ESRRA: variants seen among roughly 807,000 people sequenced by gnomAD.
ESRRA encodes estrogen related receptor alpha.
In ESRRA, 7 loss-of-function variants were observed where a neutral mutation model predicts 35.6. That is an observed-to-expected ratio of 0.20 (90% CI 0.11 to 0.37). The LOEUF (loss-of-function observed/expected upper bound fraction) is 0.37, where lower values mean the gene tolerates loss of function less well. Among genes scored for constraint, ESRRA ranks in the 10% least tolerant of loss-of-function variants. The pLI is 1.00. For synonymous variants in ESRRA, 223 were observed against 246.9 expected, an observed-to-expected ratio of 0.90 and a Z score of 0.91; for missense variants, 378 against 561.7, an observed-to-expected ratio of 0.67 and a Z score of 3.31.
In ESRRA at chr11:64,316,736, C is replaced by G; in HGVS notation, c.*770C>G. 1 of 685,022 alleles carries G rather than the reference C, an allele frequency of 1.5e-6. No individual in the cohort carries two copies. Among genetic ancestry groups the G allele is most frequent in the Non-Finnish European group, 2.6e-6 (1 of 382,768 alleles). The allele number at this position is 685,022 out of a possible 1,614,324, so 42.4% of individuals were successfully genotyped here. On this transcript the variant is annotated 3_prime_UTR_variant, in exon 7 of 7. Coordinates refer to ENST00000000442, the MANE Select transcript of ESRRA (RefSeq NM_004451.5). ...TGAGAAAAAAATATATAATACCGAG[C>G]TCAAAAACACTGTGTTTGGTGTCAT...
At chr11:64,311,824 C>T (rs969824117) in intron 2 of ESRRA, among the ~76,000 whole-genome samples, 27 of 151,734 alleles carry the variant, frequency 1.8e-4, no homozygotes, top group Non-Finnish European at 3.4e-4. Context: ...TCCCGAGTAG[C>T]TGGGACTACA....
rs1591248674 is a variant in ESRRA, at chr11:64,316,652, ACT to A, written c.*689_*690del. 5.3e-6 allele frequency: 3 copies of A among 570,964 alleles called. No homozygotes were observed. The highest frequency in any genetic ancestry group is 9.5e-6 in the Non-Finnish European group (3 of 314,252). The allele number at this position is 570,964 out of a possible 1,614,324, so 35.4% of individuals were successfully genotyped here. ...GCCCAGAGCCCTTGGCTGTACAGAG[ACT>A]CTATTTTAATGTATATTTGCTGCAA... On this transcript the variant is annotated 3_prime_UTR_variant, in exon 7 of 7. Coordinates refer to ENST00000000442, the MANE Select transcript of ESRRA (RefSeq NM_004451.5).
Position 64,316,039 on chromosome 11 carries a change from G to A in ESRRA, c.*73G>A. On this transcript the variant is annotated 3_prime_UTR_variant, in exon 7 of 7. Transcript: ENST00000000442. ...GGGGTCAGCCCCAAGGGCTGGGGCG[G>A]AGCTGGGGTCTGGGCAGTGCCACAG... The A allele has an allele frequency of 2.0e-6, 3 of 1,498,270 alleles. No homozygotes were observed. The South Asian group carries it at 4.0e-5, about 20-fold the overall frequency. The allele number at this position is 1,498,270 out of a possible 1,614,324, so 92.8% of individuals were successfully genotyped here.
intron 2 of ESRRA, among the ~76,000 whole-genome samples, chr11:64,312,497 G>A (rs1260131262): frequency 1.3e-5 from 2 of 152,186 alleles, no homozygotes; most frequent in African/African-American, 4.8e-5. Flanking sequence ...AATGCACCGC[G>A]AGGAGAAATG....
In ESRRA at chr11:64,313,902, C is replaced by T. The variant is rs2035187441; in HGVS notation, c.326-49C>T. 7.3e-7 allele frequency: 1 copy of T among 1,372,476 alleles called. No homozygotes were observed. Among genetic ancestry groups the T allele is most frequent in the African/African-American group, 1.4e-5 (1 of 69,710 alleles). The allele number at this position is 1,372,476 out of a possible 1,614,324, so 85.0% of individuals were successfully genotyped here. ...CAGGGCTCTCCTGTCAGCTGGGTCC[C>T]CTCCCAGCCCCGGGAGGCCGCCACT... On this transcript the variant is annotated intron_variant, in intron 2 of 6. Transcript: ENST00000000442. The surrounding 1 kb of genome is among the most constrained non-coding windows in gnomAD (Gnocchi z 4.0).
Position 64,314,229 on chromosome 11 carries a change from A to C in ESRRA, c.443-10A>C, listed in dbSNP as rs1258301750. The C allele has an allele frequency of 6.2e-7, 1 of 1,606,170 alleles. No homozygotes were observed. Among genetic ancestry groups the C allele is most frequent in the Non-Finnish European group, 8.5e-7 (1 of 1,176,982 alleles). On this transcript the variant is annotated splice_polypyrimidine_tract_variant and intron_variant, in intron 3 of 6. Coordinates refer to ENST00000000442, the MANE Select transcript of ESRRA (RefSeq NM_004451.5). ...CCACAGTCACAGTCCTATCTGTCCC[A>C]CAATTCAAGGAGTGCGCCTGGACCG...
intron 4 of ESRRA, among the ~76,000 whole-genome samples, 177 bp downstream of exon 4, chr11:64,314,544 C>G (rs927604467): frequency 2.0e-5 from 3 of 152,168 alleles, no homozygotes; most frequent in African/African-American, 4.8e-5. Flanking sequence ...GGAACAGGGA[C>G]GATTTTCCAA....
At chr11:64,315,610 G>A (rs1388483756) in intron 6 of ESRRA, 97 bp from the exon 7 acceptor site, 2 of 1,488,742 alleles carry the variant, frequency 1.3e-6, no homozygotes, top group African/African-American at 1.4e-5. Flanking sequence ...ATCCTCGTTT[G>A]GCTCTTCCTT....
At chr11:64,311,417 T>TC (rs1491230433) in intron 2 of ESRRA, among the ~76,000 whole-genome samples, 1 of 3,644 alleles carries the variant, frequency 2.7e-4, no homozygotes, top group Non-Finnish European at 5.7e-4. Flanking sequence ...AGGGCTTGTC[T>TC]TTTTTTTTTT....
intron 2 of ESRRA, among the ~76,000 whole-genome samples, chr11:64,309,887 G>A (rs1264571027): frequency 2.7e-5 from 4 of 149,236 alleles, no homozygotes; most frequent in Non-Finnish European, 5.9e-5. Context: ...AGCCAAGATC[G>A]TGCCACTGCA....
At chr11:64,312,933 GGCGTAGGC>G (rs1187199052) in intron 2 of ESRRA, among the ~76,000 whole-genome samples, 1 of 152,180 alleles carries the variant, frequency 6.6e-6, no homozygotes. Flanking sequence ...AAGAAGCAGG[GGCGTAGGC>G]CTAGGAGGAC....
Position 64,314,082 on chromosome 11 carries a change from GGGGCTGGGCGA to G in ESRRA, c.442+24_442+34del. 1 of 1,576,832 alleles carries G rather than the reference GGGGCTGGGCGA, an allele frequency of 6.3e-7. No individual in the cohort carries two copies. On this transcript the variant is annotated intron_variant, in intron 3 of 6. Coordinates refer to ENST00000000442, the MANE Select transcript of ESRRA (RefSeq NM_004451.5). ...GCTCAAGGAGGGTGAGCGCTGGGCA[GGGGCTGGGCGA>G]GGGCTGGGGGAGTCGGGGACCCGGG...
At chr11:64,311,374 C>T (rs1401220357) in intron 2 of ESRRA, among the ~76,000 whole-genome samples, 1 of 149,582 alleles carries the variant, frequency 6.7e-6, no homozygotes, top group African/African-American at 2.5e-5. Flanking sequence ...GTGGTATGTG[C>T]AGGAAGGGGA....
At position 64,314,741 on chromosome 11, in the gene ESRRA, C is replaced by T; in HGVS notation, c.572C>T (p.Ala191Val). The T allele has an allele frequency of 6.2e-7, 1 of 1,610,050 alleles. No individual in the cohort carries two copies. Among genetic ancestry groups the T allele is most frequent in the Non-Finnish European group, 8.5e-7 (1 of 1,178,854 alleles). ...GACTCTTGTCCTCTAATTGTCACAG[C>T]AGCCCCAGTGAATGCACTGGTGTCT... ...LAVAGGPRKT[A>V]APVNALVSHL... is the part of the protein sequence containing the mutation. The change falls in exon 5 of 7, where the codon GCA (alanine) becomes GTA (valine). Residue 191 changes from alanine (A) to valine (V), a missense_variant and splice_region_variant. Coordinates refer to ENST00000000442, the MANE Select transcript of ESRRA (RefSeq NM_004451.5).
rs761579794 is a variant in ESRRA at position 64,314,829 on chromosome 11, G to A, written c.660G>A (p.Gly220=). The A allele has an allele frequency of 3.7e-6, 6 of 1,612,288 alleles. No individual in the cohort carries two copies. In the African/African-American group the frequency reaches 6.7e-5, roughly 18 times the overall value. The change falls in exon 5 of 7, where the codon GGG becomes GGA. Residue 220 remains glycine (G), a synonymous_variant. Coordinates refer to ENST00000000442, the MANE Select transcript of ESRRA (RefSeq NM_004451.5). ...YAMPDPAGPD[G]HLPAVATLCD... is the part of the protein sequence containing the mutation. ...TGCCTGACCCCGCAGGCCCTGATGG[G>A]CACCTCCCAGCCGTGGCTACCCTCT...
In ESRRA at chr11:64,307,366, G is replaced by A. The variant is rs779933190; in HGVS notation, c.187G>A (p.Glu63Lys). 6 of 1,608,970 alleles carry A rather than the reference G, an allele frequency of 3.7e-6. No homozygotes were observed. The highest frequency in any genetic ancestry group is 2.7e-5 in the African/African-American group (2 of 74,988). Residue 63 changes from glutamate to lysine, a missense_variant, in exon 2 of 7, where the codon GAG (glutamate) becomes AAG (lysine). This residue lies in a region of ESRRA where 87 missense variants were observed against 92.6 expected (regional missense o/e 0.94). Coordinates refer to ENST00000000442, the MANE Select transcript of ESRRA (RefSeq NM_004451.5). Reference sequence around the variant, plus strand: ...GGATGGGGAGGGGGCTGGGCCTGGCGAGCAGGGCGGTGGGAAGCTGGTGCT... The same window carrying A: ...GGATGGGGAGGGGGCTGGGCCTGGCAAGCAGGGCGGTGGGAAGCTGGTGCT... ...EEDGEGAGPGEQGGGKLVLSS... is the reference protein window; with the variant it reads ...EEDGEGAGPGKQGGGKLVLSS...
Position 64,313,868 on chromosome 11 carries a change from G to C in ESRRA, c.326-83G>C, listed in dbSNP as rs569010821. ...CATACCCCCAGACCTGTGCTTGCCC[G>C]GGGAGAGTCAGGGCTCTCCTGTCAG... On this transcript the variant is annotated intron_variant, in intron 2 of 6. Transcript: ENST00000000442. This position sits in a 1 kb window ranked among gnomAD's most constrained non-coding sequence, Gnocchi z 4.0. The C allele has an allele frequency of 2.2e-6, 2 of 920,460 alleles. No homozygotes were observed. Among genetic ancestry groups the C allele is most frequent in the Non-Finnish European group, 3.3e-6 (2 of 601,490 alleles). 57.0% of individuals were successfully genotyped at this position (920,460 alleles called of 1,614,324 possible).
intron 2 of ESRRA, among the ~76,000 whole-genome samples, chr11:64,310,729 G>A (rs2035125353): frequency 6.6e-6 from 1 of 151,838 alleles, no homozygotes. Context: ...TGTGTTTTTA[G>A]TAGGGATGGG....
At position 64,310,533 on chromosome 11, in the gene ESRRA, C is replaced by G. The variant is rs1218642568; in HGVS notation, c.325+3029C>G. Among the ~76,000 whole-genome samples the G allele has an allele frequency of 6.3e-5, 9 of 141,900 alleles. No homozygotes were observed. In the East Asian group the frequency reaches 1.7e-3, roughly 26 times the overall value. 93.1% of individuals were successfully genotyped at this position (141,900 alleles called of 152,430 possible). A position where few individuals can be genotyped will look rare whatever the true frequency, so the allele number is the denominator to read the frequency against. ...ACAGGCGTGAGCCACTGCTCCTGGC[C>G]AGGTTTTTTTTTTTTTTTTTTTTTT... On this transcript the variant is annotated intron_variant, in intron 2 of 6. Coordinates refer to ENST00000000442, the MANE Select transcript of ESRRA (RefSeq NM_004451.5).
Sources: allele counts gnomAD v4.1 joint callset (sites outside exome capture counted in the v4.1 genomes callset), GRCh38; gene constraint gnomAD v4.1.1; regional missense constraint gnomAD v4.1.1; non-coding constraint Gnocchi (gnomAD v3.1); transcripts MANE v1.5; gene names NCBI Gene and HGNC (gene_info 2026-07-23, HGNC 2026-07-21).